The following PALD1 variants were observed in gnomAD, a reference collection of about 807,000 sequenced individuals.
PALD1 encodes the protein paladin.
PALD1 carries 57 observed loss-of-function variants against 96.0 expected under a neutral mutation model. The ratio of observed to expected loss-of-function variants is 0.59; its 90% confidence interval spans 0.48 to 0.74. PALD1 has a LOEUF of 0.74. PALD1 is among the 30% of genes least tolerant of loss of function. The pLI is 0.00. For missense variants in PALD1, 1,063 were observed against 1,143.7 expected (o/e 0.93, Z 1.02); for synonymous variants, 464 against 473.6 (o/e 0.98, Z 0.26).
At chr10:70,492,448 CTTTTTTTTTTTT>C (rs1157960799) in intron 1 of PALD1, among the ~76,000 whole-genome samples, 16 of 80,162 alleles carry the variant, frequency 2.0e-4, no homozygotes, top group Admixed American at 9.2e-4. Flanking sequence ...GCATTTTTGA[CTTTTTTTTTTTT>C]TTTTTTTTTT....
At chr10:70,476,264 C>T (rs1465699513), upstream of PALD1, among the ~76,000 whole-genome samples, 5 of 152,192 alleles carry the variant, frequency 3.3e-5, no homozygotes, top group East Asian at 1.9e-4. Context: ...AGAGCTGGCT[C>T]GACTGATTCT....
Position 70,539,645 on chromosome 10 carries a change from C to T in PALD1, c.1791C>T (p.Thr597=). ...CCCCAGGCAAGGAGGGCCCCCTGACCTACAGGTTCCAGACCTGCCTTACCA... is the reference window on the plus strand; with the variant it reads ...CCCCAGGCAAGGAGGGCCCCCTGACTTACAGGTTCCAGACCTGCCTTACCA... ...EPPPGKEGPL[T]YRFQTCLTMQ... The change falls in exon 15 of 20, where the codon ACC becomes ACT. Residue 597 remains threonine, a synonymous_variant. Transcript: ENST00000263563. The surrounding 1 kb of genome is among the most constrained non-coding windows in gnomAD (Gnocchi z 4.5). The T allele has an allele frequency of 9.9e-6, 16 of 1,613,756 alleles. No homozygotes were observed. Among genetic ancestry groups the T allele is most frequent in the Non-Finnish European group, 1.3e-5 (15 of 1,179,836 alleles).
the PALD1 span, among the ~76,000 whole-genome samples, chr10:70,465,460 G>A: frequency 6.6e-6 from 1 of 152,320 alleles, no homozygotes; most frequent in South Asian, 2.1e-4. Flanking sequence ...TCCAGGGAGG[G>A]AGGAGGAGAG....
Position 70,547,290 on chromosome 10 carries a change from C to A in PALD1, c.2122-16C>A. 3 of 1,612,828 alleles carry A rather than the reference C, an allele frequency of 1.9e-6. No homozygotes were observed. The highest frequency in any genetic ancestry group is 2.2e-5 in the East Asian group (1 of 44,870). Reference sequence around the variant, plus strand: ...TACCAGTTTTATGTCTGCTCACCCCCCTTCTCTGGCCCCAGGTAGTAATGA... The same window carrying A: ...TACCAGTTTTATGTCTGCTCACCCCACTTCTCTGGCCCCAGGTAGTAATGA... On this transcript the variant is annotated splice_polypyrimidine_tract_variant and intron_variant, in intron 17 of 19. Transcript: ENST00000263563.
chr10:70,505,309 G>A (rs1846362797), intron 1 of PALD1, among the ~76,000 whole-genome samples: 1 of 152,120 alleles, frequency 6.6e-6, no homozygotes, highest in Non-Finnish European at 1.5e-5. Context: ...GAAAATATCT[G>A]CCATGGCCAG....
the PALD1 span, among the ~76,000 whole-genome samples, chr10:70,465,801 G>A: frequency 1.3e-4 from 20 of 152,192 alleles, no homozygotes; most frequent in African/African-American, 4.6e-4. Context: ...CCCTCCTCAG[G>A]ATGGAGGACA....
chr10:70,566,134 G>A (rs1360742371), intron 19 of PALD1, among the ~76,000 whole-genome samples: 1 of 152,148 alleles, frequency 6.6e-6, no homozygotes, highest in Non-Finnish European at 1.5e-5. Flanking sequence ...TGGTGCCAGG[G>A]TCTGGGCTGC....
Position 70,507,750 on chromosome 10 carries a change from C to CGTGTGTGTGT in PALD1, c.-29-18141_-29-18132dup, listed in dbSNP as rs10579511. Among the ~76,000 whole-genome samples, 402 of 148,734 alleles carry CGTGTGTGTGT rather than the reference C, an allele frequency of 2.7e-3. 2 individuals are homozygous for CGTGTGTGTGT. Among genetic ancestry groups the CGTGTGTGTGT allele is most frequent in the African/African-American group, 7.7e-3 (308 of 40,202 alleles). ...GTTACATTTGTATGTTTTGTGTGTG[C>CGTGTGTGTGT]GTGTGTGTGTGTGTGTGTGTGTGTG... On this transcript the variant is annotated intron_variant, in intron 1 of 19. Transcript: ENST00000263563.
At chr10:70,503,761 C>CTCTG (rs1358250895) in intron 1 of PALD1, among the ~76,000 whole-genome samples, 1 of 152,162 alleles carries the variant, frequency 6.6e-6, no homozygotes, top group Non-Finnish European at 1.5e-5. Flanking sequence ...ATTTTTTATG[C>CTCTG]AGTCTGATCT....
chr10:70,535,336 C>T (rs915326880), intron 10 of PALD1, among the ~76,000 whole-genome samples: 2 of 152,228 alleles, frequency 1.3e-5, no homozygotes, highest in Non-Finnish European at 2.9e-5. Flanking sequence ...GCCACAGAGG[C>T]AGCTTCTTCT....
chr10:70,498,855 G>A (rs945235765), intron 1 of PALD1, among the ~76,000 whole-genome samples: 1 of 151,780 alleles, frequency 6.6e-6, no homozygotes, highest in Non-Finnish European at 1.5e-5. Flanking sequence ...TTGAACCTAG[G>A]AGGCAGAAGT....
the PALD1 span, among the ~76,000 whole-genome samples, chr10:70,466,224 A>G: frequency 6.6e-6 from 1 of 152,234 alleles, no homozygotes; most frequent in East Asian, 1.9e-4. Context: ...AAATATACAT[A>G]ACATGAAGTT....
At chr10:70,466,146 C>T in the PALD1 span, among the ~76,000 whole-genome samples, 42 of 152,180 alleles carry the variant, frequency 2.8e-4, no homozygotes, top group Non-Finnish European at 5.0e-4. Flanking sequence ...TGTGAGGAGG[C>T]CTTTTGTTGG....
chr10:70,554,917 C>CCCT (rs1847563569), intron 18 of PALD1, among the ~76,000 whole-genome samples: 1 of 16,506 alleles, frequency 6.1e-5, no homozygotes, highest in Non-Finnish European at 1.2e-4. Flanking sequence ...CTCCCCTCTC[C>CCCT]TCCCCTCCCC....
rs1445027492 is a variant in PALD1, at chr10:70,561,223, G to A, written c.2263-3141G>A. Among the ~76,000 whole-genome samples the A allele has an allele frequency of 2.0e-5, 3 of 152,232 alleles. No individual in the cohort carries two copies. In the East Asian group the frequency reaches 5.8e-4, roughly 29 times the overall value. On this transcript the variant is annotated intron_variant, in intron 18 of 19. Transcript: ENST00000263563. ...ATCCCCACGGCTGTGGGAGAGGATC[G>A]TGCTGGTGCGGTCGTGTCCATGGCA...
At chr10:70,511,639 G>C (rs766728155) in intron 1 of PALD1, among the ~76,000 whole-genome samples, 1 of 152,214 alleles carries the variant, frequency 6.6e-6, no homozygotes, top group Non-Finnish European at 1.5e-5. Flanking sequence ...TTGGCATCTG[G>C]TGCAGGCCTT....
At chr10:70,496,012 A>G (rs888878560) in intron 1 of PALD1, among the ~76,000 whole-genome samples, 1 of 112,872 alleles carries the variant, frequency 8.9e-6, no homozygotes, top group Non-Finnish European at 1.8e-5. Context: ...CTCTATCTCA[A>G]ACAACAACAA....
rs12247726 is a variant in PALD1 at position 70,537,072 on chromosome 10, G to T, written c.1228-739G>T. Among the ~76,000 whole-genome samples the T allele has an allele frequency of 8.0e-3, 1,222 of 152,088 alleles. 16 individuals are homozygous for T. The highest frequency in any genetic ancestry group is 0.028 in the African/African-American group (1,162 of 41,492). On this transcript the variant is annotated intron_variant, in intron 10 of 19. Coordinates refer to ENST00000263563, the MANE Select transcript of PALD1 (RefSeq NM_014431.3). ...GGCTCCCCTGGAGCACTGCTGTGAG[G>T]GTCTTTGTATTTGTATTTTCTTGTG...
At chr10:70,518,168 C>T (rs1846655195) in intron 1 of PALD1, among the ~76,000 whole-genome samples, 1 of 152,002 alleles carries the variant, frequency 6.6e-6, no homozygotes, top group South Asian at 2.1e-4. Context: ...CTCCAAAGTG[C>T]TGGGATTACA....
Sources: gnomAD v4.1 joint callset for allele counts (sites outside exome capture counted in the v4.1 genomes callset) on GRCh38, gnomAD v4.1.1 for gene constraint, Gnocchi (gnomAD v3.1) non-coding constraint, MANE v1.5 for transcripts, NCBI Gene and HGNC (gene_info 2026-07-23, HGNC 2026-07-21) for gene names.